The following AGO3 variants were observed in gnomAD, a reference collection of about 807,000 sequenced individuals.
AGO3 encodes protein argonaute-3.
A neutral mutation model predicts 105.5 loss-of-function variants in AGO3; 16 were observed. The observed-to-expected ratio is 0.15, with a 90% confidence interval of 0.10 to 0.23. The LOEUF is 0.23. Among genes scored for constraint, AGO3 ranks in the 10% least tolerant of loss-of-function variants. The probability of loss-of-function intolerance (pLI) is 1.00; values close to 1 mark genes in which losing one functional copy is unlikely to be tolerated. For missense variants in AGO3, 534 were observed against 1,088.0 expected (o/e 0.49, Z 7.16); for synonymous variants, 340 against 367.3 (o/e 0.93, Z 0.85).
chr1:35,949,640 G>C (rs1646433208), intron 2 of AGO3, among the ~76,000 whole-genome samples: 1 of 152,052 alleles, frequency 6.6e-6, no homozygotes, highest in Non-Finnish European at 1.5e-5. Context: ...TTTTTTAAAA[G>C]TCAGGGTCTC....
rs531301709 is a variant in AGO3 at position 35,966,662 on chromosome 1, A to G, written c.192-293A>G. Among the ~76,000 whole-genome samples, 52 of 152,334 alleles carry G rather than the reference A, an allele frequency of 3.4e-4. No individual in the cohort carries two copies. In the Middle Eastern group the frequency reaches 0.01, roughly 30 times the overall value. ...ATGTTAGGGAGTGCTTAGAGATGGTAAAAGAGATTTTGAATCACTTTCTAA... is the reference window on the plus strand; with the variant it reads ...ATGTTAGGGAGTGCTTAGAGATGGTGAAAGAGATTTTGAATCACTTTCTAA... On this transcript the variant is annotated intron_variant, in intron 2 of 18. Coordinates refer to ENST00000373191, the MANE Select transcript of AGO3 (RefSeq NM_024852.4).
chr1:36,066,052 A>T lies in AGO3; in HGVS notation c.*10307A>T, dbSNP rs1643087785. Reference sequence around the variant, plus strand: ...GAGACTCTGTCTCAAAAAAAAAAAAAAATCGTTGTGCAGTAATAGATCATC... The same window carrying T: ...GAGACTCTGTCTCAAAAAAAAAAAATAATCGTTGTGCAGTAATAGATCATC... On this transcript the variant is annotated 3_prime_UTR_variant, in exon 19 of 19. Coordinates refer to ENST00000373191, the MANE Select transcript of AGO3 (RefSeq NM_024852.4). 6.6e-6 allele frequency: 1 copy of T among 152,216 alleles called. No homozygotes were observed. The highest frequency in any genetic ancestry group is 6.6e-5 in the Admixed American group (1 of 15,262). The allele number at this position is 152,216 out of a possible 1,614,324, so 9.4% of individuals were successfully genotyped here.
At chr1:35,975,538 G>T (rs113513150) in intron 5 of AGO3, among the ~76,000 whole-genome samples, 3,384 of 150,348 alleles carry the variant, frequency 0.023, 132 homozygotes, top group African/African-American at 0.077. Context: ...GTATTGTGAT[G>T]TTTTTTTTGT....
intron 12 of AGO3, among the ~76,000 whole-genome samples, chr1:36,028,397 C>CA (rs1324213237): frequency 9.4e-6 from 1 of 106,302 alleles, no homozygotes; most frequent in African/African-American, 3.5e-5. Flanking sequence ...TCCCTCCCCC[C>CA]CCCCCACCCC....
chr1:35,997,689 G>GC (rs1639894080), intron 5 of AGO3, among the ~76,000 whole-genome samples: 1 of 152,068 alleles, frequency 6.6e-6, no homozygotes, highest in African/African-American at 2.4e-5. Context: ...AAGTCAAGGA[G>GC]CATCTGTATT....
chr1:36,061,267 C>T lies in AGO3; in HGVS notation c.*5522C>T, dbSNP rs1643023766. On this transcript the variant is annotated 3_prime_UTR_variant, in exon 19 of 19. Transcript: ENST00000373191. ...AGGGAAAAATTATTTTGACTTTTTT[C>T]CTACTTTTAAAATGGTACATTTAAG... 6.6e-6 allele frequency: 1 copy of T among 151,782 alleles called. No individual in the cohort carries two copies. Among genetic ancestry groups the T allele is most frequent in the Admixed American group, 6.6e-5 (1 of 15,226 alleles). The allele number at this position is 151,782 out of a possible 1,614,324, so 9.4% of individuals were successfully genotyped here.
intron 11 of AGO3, among the ~76,000 whole-genome samples, chr1:36,017,729 C>T (rs1304836052): frequency 6.6e-6 from 1 of 151,954 alleles, no homozygotes; most frequent in Admixed American, 6.6e-5. Context: ...ATGGCAAAAC[C>T]CTGTCTCTAC....
At chr1:35,945,664 CTCT>C in intron 1 of AGO3, 25 bp from the exon 2 acceptor site, 1 of 1,604,986 alleles carries the variant, frequency 6.2e-7, no homozygotes, top group Non-Finnish European at 8.5e-7. Context: ...GTAACTGTGA[CTCT>C]TTTTTTTTCC....
At chr1:36,003,720 A>G (rs1640214619) in intron 5 of AGO3, among the ~76,000 whole-genome samples, 1 of 133,250 alleles carries the variant, frequency 7.5e-6, no homozygotes, top group African/African-American at 2.8e-5. Context: ...ATATATATAT[A>G]TATATATATA....
At chr1:35,958,254 G>A (rs1001387402) in intron 2 of AGO3, among the ~76,000 whole-genome samples, 16 of 151,506 alleles carry the variant, frequency 1.1e-4, no homozygotes, top group African/African-American at 2.9e-4. Context: ...GGTGGTGCGC[G>A]TTTGTAATCC....
chr1:36,011,387 A>G (rs1472145592), intron 9 of AGO3, among the ~76,000 whole-genome samples: 1 of 152,028 alleles, frequency 6.6e-6, no homozygotes, highest in East Asian at 1.9e-4. Context: ...TTCTGTAAAG[A>G]GTCAAAGAAA....
rs552318587 is a variant in AGO3 at position 36,051,413 on chromosome 1, A to C, written c.2275-3533A>C. The stretch of plus-strand genomic sequence containing the variant: ...ATTCAGAGGGAAGTTTATAGCAATA[A>C]ACATTTACATCAAAAACATAGAAAC... On this transcript the variant is annotated intron_variant, in intron 17 of 18. Coordinates refer to ENST00000373191, the MANE Select transcript of AGO3 (RefSeq NM_024852.4). Among the ~76,000 whole-genome samples the C allele has an allele frequency of 6.6e-5, 10 of 152,318 alleles. No homozygotes were observed. In the South Asian group the frequency reaches 1.7e-3, roughly 25 times the overall value.
intron 4 of AGO3, among the ~76,000 whole-genome samples, chr1:35,973,146 A>C (rs904397298): frequency 1.3e-5 from 2 of 152,070 alleles, no homozygotes; most frequent in Non-Finnish European, 2.9e-5. Flanking sequence ...ATTTTAAATA[A>C]AATTTATTCT....
At chr1:36,002,080 C>T (rs545488922) in intron 5 of AGO3, among the ~76,000 whole-genome samples, 61 of 152,248 alleles carry the variant, frequency 4.0e-4, no homozygotes, top group African/African-American at 1.4e-3. Flanking sequence ...AGTGTAGTGG[C>T]GCAATCTCAG....
intron 5 of AGO3, among the ~76,000 whole-genome samples, chr1:35,991,940 T>C (rs189700098): frequency 6.6e-6 from 1 of 152,288 alleles, no homozygotes; most frequent in East Asian, 1.9e-4. Context: ...TCAGTGTTAA[T>C]CTAAAAACAC....
chr1:35,973,538 A>G, intron 5 of AGO3, 27 bp downstream of exon 5: 2 of 1,473,552 alleles, frequency 1.4e-6, no homozygotes, highest in Non-Finnish European at 1.8e-6. Context: ...CATATTCTGT[A>G]TTGGGTGGTG....
intron 2 of AGO3, among the ~76,000 whole-genome samples, chr1:35,954,150 A>C (rs1646522918): frequency 6.6e-6 from 1 of 152,244 alleles, no homozygotes; most frequent in Admixed American, 6.5e-5. Context: ...GGAAACTATT[A>C]TACAAAATAT....
chr1:36,051,037 CA>C (rs1399168603), intron 17 of AGO3, among the ~76,000 whole-genome samples: 1 of 152,004 alleles, frequency 6.6e-6, no homozygotes, highest in Non-Finnish European at 1.5e-5. Context: ...CTATGTTACC[CA>C]GGCTGAGTTT....
chr1:35,985,582 T>G (rs1647155591), intron 5 of AGO3, among the ~76,000 whole-genome samples: 1 of 151,832 alleles, frequency 6.6e-6, no homozygotes, highest in African/African-American at 2.4e-5. Flanking sequence ...TTTAATAAAT[T>G]GTGTTTACAC....
Sources: gnomAD v4.1 joint callset for allele counts (sites outside exome capture counted in the v4.1 genomes callset) on GRCh38, gnomAD v4.1.1 for gene constraint, MANE v1.5 for transcripts, NCBI Gene and HGNC (gene_info 2026-07-23, HGNC 2026-07-21) for gene names.